The following GRID1 variants were observed in gnomAD, a reference collection of about 807,000 sequenced individuals.
The protein encoded by GRID1 is glutamate ionotropic receptor delta type subunit 1.
In GRID1, 28 loss-of-function variants were observed where a neutral mutation model predicts 98.0. The observed-to-expected ratio is 0.29, with a 90% CI of 0.21 to 0.39. The LOEUF (loss-of-function observed/expected upper bound fraction) is 0.39. Ranked by LOEUF, GRID1 falls within the 10% of genes least tolerant of loss-of-function variation. The pLI is 1.00. For missense variants in GRID1, 1,111 were observed against 1,340.5 expected, an observed-to-expected ratio of 0.83 and a Z score of 2.67; for synonymous variants, 553 against 538.5, an observed-to-expected ratio of 1.03 and a Z score of -0.37.
At chr10:86,231,127 C>T (rs1232877815) in intron 2 of GRID1, among the ~76,000 whole-genome samples, 1 of 152,190 alleles carries the variant, frequency 6.6e-6, no homozygotes, top group Non-Finnish European at 1.5e-5. Flanking sequence ...AGCTAGGCTT[C>T]CAGAAGGGGC....
At chr10:85,920,913 A>G (rs932525875) in intron 4 of GRID1, among the ~76,000 whole-genome samples, 1 of 152,208 alleles carries the variant, frequency 6.6e-6, no homozygotes, top group African/African-American at 2.4e-5. Flanking sequence ...CTAGGGCCCA[A>G]TAAGCCCAAA....
intron 2 of GRID1, among the ~76,000 whole-genome samples, chr10:86,352,196 T>C (rs1257166235): frequency 6.6e-6 from 1 of 152,170 alleles, no homozygotes; most frequent in Non-Finnish European, 1.5e-5. Context: ...TCCTCAGAGG[T>C]ACATGGATCT....
chr10:86,278,626 G>C (rs1847309535), intron 2 of GRID1, among the ~76,000 whole-genome samples: 1 of 152,084 alleles, frequency 6.6e-6, no homozygotes. Context: ...GTATTAAAAA[G>C]ATAATAAGGA....
chr10:85,928,502 GCTGCAGAA>G (rs1317666892), intron 4 of GRID1, among the ~76,000 whole-genome samples: 1 of 152,200 alleles, frequency 6.6e-6, no homozygotes, highest in Non-Finnish European at 1.5e-5. Flanking sequence ...AGTCACTCCA[GCTGCAGAA>G]CTGGTGACCT....
intron 8 of GRID1, among the ~76,000 whole-genome samples, chr10:85,826,357 A>C (rs1842820057): frequency 6.6e-6 from 1 of 151,924 alleles, no homozygotes; most frequent in Admixed American, 6.6e-5. Flanking sequence ...ACAAAACAAA[A>C]CCCAAGCAAA....
At chr10:85,974,978 G>A (rs181728258) in intron 4 of GRID1, among the ~76,000 whole-genome samples, 18 of 152,298 alleles carry the variant, frequency 1.2e-4, no homozygotes, top group African/African-American at 4.3e-4. Context: ...CTAGGTACAT[G>A]TGTTTAAAGT....
At chr10:85,736,618 G>T (rs1406813265) in intron 8 of GRID1, among the ~76,000 whole-genome samples, 1 of 152,122 alleles carries the variant, frequency 6.6e-6, no homozygotes, top group Non-Finnish European at 1.5e-5. Context: ...TTATGTCAGT[G>T]CATGGGCTTT....
chr10:86,100,195 G>C (rs898976359), intron 4 of GRID1, among the ~76,000 whole-genome samples: 1 of 152,150 alleles, frequency 6.6e-6, no homozygotes, highest in African/African-American at 2.4e-5. Context: ...ATTGTGCAAA[G>C]TATTGTAATC....
intron 4 of GRID1, among the ~76,000 whole-genome samples, chr10:86,017,905 G>A (rs1246992847): frequency 6.6e-6 from 1 of 152,194 alleles, no homozygotes. Flanking sequence ...GTGCTCACGT[G>A]TGTGGAGGCA....
intron 5 of GRID1, among the ~76,000 whole-genome samples, chr10:85,901,951 T>C (rs573836780): frequency 2.0e-5 from 3 of 152,212 alleles, no homozygotes; most frequent in Non-Finnish European, 4.4e-5. Flanking sequence ...GTGATTAACA[T>C]ATAGAAGTGC....
intron 4 of GRID1, among the ~76,000 whole-genome samples, chr10:86,005,393 C>T (rs77471762): frequency 0.029 from 4,445 of 151,342 alleles, 147 homozygotes; most frequent in African/African-American, 0.079. Context: ...TAAAAGGCTA[C>T]CCCTAAGAGA....
chr10:85,941,673 A>G (rs1260754711), intron 4 of GRID1, among the ~76,000 whole-genome samples: 1 of 152,226 alleles, frequency 6.6e-6, no homozygotes, highest in Non-Finnish European at 1.5e-5. Context: ...GAATTCTTCC[A>G]GATGTTTTTC....
chr10:85,873,170 T>A (rs1843295801), intron 5 of GRID1, among the ~76,000 whole-genome samples: 1 of 152,182 alleles, frequency 6.6e-6, no homozygotes, highest in Non-Finnish European at 1.5e-5. Context: ...CTGCATTTCC[T>A]GGCTGCACAC....
chr10:86,351,058 AGG>A lies in GRID1; in HGVS notation c.235+12881_235+12882del, dbSNP rs145111671. ...CATGCAGATGCCTCTGCTTTTGAAC[AGG>A]CAATCACCAGGAGCCTGCAGTACAG... On this transcript the variant is annotated intron_variant, in intron 2 of 15. Coordinates refer to ENST00000327946, the MANE Select transcript of GRID1 (RefSeq NM_017551.3). Among the ~76,000 whole-genome samples the A allele has an allele frequency of 1.2e-4, 18 of 152,348 alleles. 1 individual carries two copies. In the East Asian group the frequency reaches 3.5e-3, roughly 29 times the overall value.
chr10:86,339,707 A>G (rs1010214491), intron 2 of GRID1, among the ~76,000 whole-genome samples: 2 of 152,160 alleles, frequency 1.3e-5, no homozygotes, highest in Non-Finnish European at 2.9e-5. Flanking sequence ...GACCAAAGTG[A>G]CCTCAAGAGG....
chr10:86,216,787 G>T (rs61857812), intron 2 of GRID1, among the ~76,000 whole-genome samples: 13,207 of 152,192 alleles, frequency 0.087, 595 homozygotes, highest in Middle Eastern at 0.13. Context: ...GGCTCAGAGA[G>T]GGTGGAGACT....
At chr10:86,028,897 T>G (rs1489561510) in intron 4 of GRID1, among the ~76,000 whole-genome samples, 1 of 152,206 alleles carries the variant, frequency 6.6e-6, no homozygotes, top group Non-Finnish European at 1.5e-5. Context: ...TCCCATGAAT[T>G]CTGAAGGATG....
In GRID1 at chr10:86,069,185, C is replaced by T. The variant is rs377577474; in HGVS notation, c.726+69634G>A. On this transcript the variant is annotated intron_variant, in intron 4 of 15. Coordinates refer to ENST00000327946, the MANE Select transcript of GRID1 (RefSeq NM_017551.3). ...TGCTGGCAGGAGGGGGCTCTGCTCA[C>T]CTGGGCCAGGTTTGCTGCAAACCTG... Among the ~76,000 whole-genome samples, 32 of 152,228 alleles carry T rather than the reference C, an allele frequency of 2.1e-4. 1 individual carries two copies. The East Asian group carries it at 4.4e-3, about 21-fold the overall frequency.
At chr10:86,306,516 T>A (rs79221181) in intron 2 of GRID1, among the ~76,000 whole-genome samples, 11,195 of 152,252 alleles carry the variant, frequency 0.074, 927 homozygotes, top group East Asian at 0.48. Context: ...TAGAAACCTG[T>A]GGTAACCTGG....
Sources: gnomAD v4.1 joint callset for allele counts (sites outside exome capture counted in the v4.1 genomes callset) on GRCh38, gnomAD v4.1.1 for gene constraint, MANE v1.5 for transcripts, NCBI Gene and HGNC (gene_info 2026-07-23, HGNC 2026-07-21) for gene names.